The following TMEM132C variants were observed in gnomAD, a reference collection of about 807,000 sequenced individuals.
TMEM132C encodes the protein protein phosphatase 1, regulatory subunit 152.
Under a neutral mutation model 61.4 loss-of-function variants are expected in TMEM132C, and 29 were observed. The observed-to-expected ratio is 0.47, with a 90% confidence interval of 0.35 to 0.64. The LOEUF (loss-of-function observed/expected upper bound fraction) is 0.64. TMEM132C is among the 30% of genes least tolerant of loss of function. The pLI is 0.00. For missense variants in TMEM132C, 1,408 were observed against 1,476.9 expected, an observed-to-expected ratio of 0.95 and a Z score of 0.76; for synonymous variants, 656 against 633.1, an observed-to-expected ratio of 1.04 and a Z score of -0.54.
Position 128,694,030 on chromosome 12 carries a change from A to G in TMEM132C, c.1651A>G (p.Lys551Glu), listed in dbSNP as rs1366174828. The G allele has an allele frequency of 1.9e-6, 3 of 1,551,676 alleles. No homozygotes were observed. The highest frequency in any genetic ancestry group is 2.6e-6 in the Non-Finnish European group (3 of 1,146,970). ...CTGGAGGGTCCCCATTGTGACCAAT[A>G]AGAGGTGAGCCTCGGATGGGGAGAT... ...KGWRVPIVTN[K>E]RPTRESEDED... Residue 551 changes from lysine (K) to glutamate (E), a missense_variant, in exon 6 of 9, where the codon AAG (lysine) becomes GAG (glutamate). Physicochemically the swap from Lys to Glu is moderately conservative, Grantham distance 56. Coordinates refer to ENST00000435159, the MANE Select transcript of TMEM132C (RefSeq NM_001136103.3).
chr12:128,667,223 G>A (rs187017779), intron 4 of TMEM132C, among the ~76,000 whole-genome samples: 22 of 152,250 alleles, frequency 1.4e-4, no homozygotes, highest in Admixed American at 5.9e-4. Flanking sequence ...GTGTGTGTGC[G>A]CATGTGTGCG....
intron 2 of TMEM132C, among the ~76,000 whole-genome samples, chr12:128,421,233 G>A (rs1041288610): frequency 6.6e-6 from 1 of 152,178 alleles, no homozygotes; most frequent in African/African-American, 2.4e-5. Context: ...GCAGAGATAT[G>A]GAATCGACCT....
chr12:128,471,429 C>T (rs1473377514), intron 2 of TMEM132C, among the ~76,000 whole-genome samples: 3 of 152,160 alleles, frequency 2.0e-5, no homozygotes, highest in Non-Finnish European at 4.4e-5. Flanking sequence ...ACCTCCATGA[C>T]CTGAATCTTG....
intron 1 of TMEM132C, among the ~76,000 whole-genome samples, chr12:128,283,508 C>G (rs985702594): frequency 6.6e-6 from 1 of 152,094 alleles, no homozygotes; most frequent in Non-Finnish European, 1.5e-5. Flanking sequence ...CTACCTCCAT[C>G]TACTGTTCTG....
At chr12:128,456,300 CTTATTTTTATTAACATAATTTACTACA>C (rs1870338192) in intron 2 of TMEM132C, among the ~76,000 whole-genome samples, 1 of 139,914 alleles carries the variant, frequency 7.1e-6, no homozygotes, top group South Asian at 2.5e-4. Flanking sequence ...CATATTTTTC[CTTATTTTTATTAACATAATTTACTACA>C]TTAAATTGCA....
intron 2 of TMEM132C, among the ~76,000 whole-genome samples, chr12:128,501,910 G>A (rs1248900102): frequency 6.6e-6 from 1 of 152,188 alleles, no homozygotes; most frequent in East Asian, 1.9e-4. Context: ...CATCCTGAGA[G>A]CCATCCTTGG....
At chr12:128,319,942 A>T (rs1872275621) in intron 1 of TMEM132C, among the ~76,000 whole-genome samples, 1 of 152,078 alleles carries the variant, frequency 6.6e-6, no homozygotes, top group Non-Finnish European at 1.5e-5. Flanking sequence ...GATCTTGGAC[A>T]TTTCCAGGTG....
intron 2 of TMEM132C, among the ~76,000 whole-genome samples, chr12:128,525,509 G>C (rs1389472241): frequency 6.6e-6 from 1 of 152,162 alleles, no homozygotes; most frequent in African/African-American, 2.4e-5. Flanking sequence ...AGTATCTCTT[G>C]AGCTGACTTT....
intron 5 of TMEM132C, among the ~76,000 whole-genome samples, chr12:128,678,010 C>A (rs575859093): frequency 1.3e-5 from 2 of 152,310 alleles, no homozygotes; most frequent in East Asian, 3.9e-4. Context: ...CTGTGCTGAA[C>A]CTACTATTGA....
intron 1 of TMEM132C, among the ~76,000 whole-genome samples, chr12:128,335,631 G>A (rs1433066548): frequency 6.6e-6 from 1 of 152,166 alleles, no homozygotes; most frequent in East Asian, 1.9e-4. Flanking sequence ...TTAAAAGAGA[G>A]GAAAGTTAAA....
intron 1 of TMEM132C, among the ~76,000 whole-genome samples, chr12:128,315,288 A>C (rs1300531803): frequency 6.6e-6 from 1 of 152,180 alleles, no homozygotes; most frequent in African/African-American, 2.4e-5. Flanking sequence ...GAGGAACGGG[A>C]TGAGGCTGCA....
intron 4 of TMEM132C, among the ~76,000 whole-genome samples, chr12:128,651,253 C>T (rs1423016734): frequency 1.3e-5 from 2 of 152,212 alleles, no homozygotes; most frequent in African/African-American, 2.4e-5. Context: ...AGCTATCCAT[C>T]ATTCCTGGAT....
chr12:128,464,784 G>GAAAGAAAGAA, intron 2 of TMEM132C, among the ~76,000 whole-genome samples: 1 of 143,310 alleles, frequency 7.0e-6, no homozygotes, highest in Non-Finnish European at 1.5e-5. Context: ...AAGAAAGAAA[G>GAAAGAAAGAA]AGAGAAAGAG....
intron 1 of TMEM132C, among the ~76,000 whole-genome samples, chr12:128,324,156 C>T (rs1315720640): frequency 6.6e-6 from 1 of 152,198 alleles, no homozygotes; most frequent in Admixed American, 6.5e-5. Flanking sequence ...GGCAAGCAGC[C>T]TGTCTACAAT....
intron 1 of TMEM132C, among the ~76,000 whole-genome samples, chr12:128,374,709 T>TGCAGA (rs10685955): frequency 0.11 from 16,601 of 151,824 alleles, 1,292 homozygotes; most frequent in East Asian, 0.42. Flanking sequence ...ACACCCACAG[T>TGCAGA]GCAGAGATAA....
intron 1 of TMEM132C, among the ~76,000 whole-genome samples, chr12:128,400,853 A>T (rs1226522935): frequency 6.6e-6 from 1 of 151,472 alleles, no homozygotes; most frequent in Non-Finnish European, 1.5e-5. Flanking sequence ...CAAGGGATCC[A>T]CCGCCTTAGC....
chr12:128,411,023 A>AT (rs1455559825), intron 1 of TMEM132C, among the ~76,000 whole-genome samples: 1 of 152,144 alleles, frequency 6.6e-6, no homozygotes, highest in Non-Finnish European at 1.5e-5. Context: ...ACATTTCCTC[A>AT]TGATTAGATG....
chr12:128,398,492 G>C (rs1875039611), intron 1 of TMEM132C, among the ~76,000 whole-genome samples: 1 of 152,182 alleles, frequency 6.6e-6, no homozygotes, highest in African/African-American at 2.4e-5. Flanking sequence ...CTCAGACCTT[G>C]TTATGATGTT....
At chr12:128,289,734 A>G (rs1488593606) in intron 1 of TMEM132C, among the ~76,000 whole-genome samples, 2 of 152,308 alleles carry the variant, frequency 1.3e-5, no homozygotes, top group Admixed American at 6.5e-5. Context: ...CTGCACTTCC[A>G]TTTACTTAAC....
Sources: gnomAD v4.1 joint callset for allele counts (sites outside exome capture counted in the v4.1 genomes callset) on GRCh38, gnomAD v4.1.1 for gene constraint, MANE v1.5 for transcripts, NCBI Gene and HGNC (gene_info 2026-07-23, HGNC 2026-07-21) for gene names.